Variants in ADARB2 observed in about 807,000 individuals in gnomAD.
ADARB2 encodes adenosine deaminase RNA specific B2 (inactive).
Under a neutral mutation model 62.2 loss-of-function variants are expected in ADARB2, and 25 were observed. The observed-to-expected ratio is 0.40, with a 90% CI of 0.29 to 0.56. ADARB2 has a LOEUF of 0.56. Among genes scored for constraint, ADARB2 ranks in the 20% least tolerant of loss-of-function variants. The probability of loss-of-function intolerance (pLI) is 0.43; values close to 1 mark genes in which losing one functional copy is unlikely to be tolerated. For missense variants in ADARB2, 1,071 were observed against 1,077.4 expected (o/e 0.99, Z 0.08); for synonymous variants, 572 against 500.8 (o/e 1.14, Z -1.90).
chr10:1,204,187 C>T (rs1441150372), intron 7 of ADARB2, among the ~76,000 whole-genome samples: 1 of 152,160 alleles, frequency 6.6e-6, no homozygotes. Context: ...AAGTCTGAGA[C>T]GTCTCTGCAT....
chr10:1,410,013 ATAGGGAAGGATTCTCAG>A, intron 1 of ADARB2, among the ~76,000 whole-genome samples: 2 of 37,408 alleles, frequency 5.3e-5, no homozygotes, highest in African/African-American at 6.8e-5. Flanking sequence ...GGCTGTGGTC[ATAGGGAAGGATTCTCAG>A]TGGTGCCGAG....
intron 1 of ADARB2, among the ~76,000 whole-genome samples, chr10:1,490,360 A>G (rs1831603585): frequency 6.6e-6 from 1 of 152,214 alleles, no homozygotes; most frequent in Admixed American, 6.5e-5. Flanking sequence ...AAAGCACTTA[A>G]CTGTTTACAA....
intron 1 of ADARB2, chr10:1,535,459 C>CG (rs1832319158): frequency 6.3e-6 from 1 of 157,890 alleles, no homozygotes; most frequent in African/African-American, 2.4e-5. Flanking sequence ...TAGATTTGCT[C>CG]GTGCACTTTA....
At chr10:1,360,251 C>G (rs1029399884) in intron 3 of ADARB2, among the ~76,000 whole-genome samples, 1 of 152,242 alleles carries the variant, frequency 6.6e-6, no homozygotes, top group Non-Finnish European at 1.5e-5. Flanking sequence ...GCCTTTCCCC[C>G]CAGCCCCAGA....
intron 1 of ADARB2, among the ~76,000 whole-genome samples, chr10:1,569,690 A>G (rs1240451306): frequency 1.3e-5 from 2 of 152,200 alleles, no homozygotes; most frequent in African/African-American, 4.8e-5. Context: ...TTAGGGTTTA[A>G]TTGGCCATAA....
At chr10:1,708,211 G>A (rs910293045) in intron 1 of ADARB2, among the ~76,000 whole-genome samples, 1 of 152,160 alleles carries the variant, frequency 6.6e-6, no homozygotes, top group African/African-American at 2.4e-5. Context: ...CCTGTTCAAA[G>A]TGGAAGATTA....
chr10:1,300,185 TC>T (rs1386513130), intron 3 of ADARB2, among the ~76,000 whole-genome samples: 1 of 152,258 alleles, frequency 6.6e-6, no homozygotes, highest in African/African-American at 2.4e-5. Flanking sequence ...AAGTAGTCTC[TC>T]TGCTTCTCAT....
intron 1 of ADARB2, among the ~76,000 whole-genome samples, chr10:1,668,441 G>T (rs1179789900): frequency 1.3e-5 from 2 of 152,308 alleles, no homozygotes; most frequent in African/African-American, 4.8e-5. Flanking sequence ...TTCAGAGACA[G>T]TTTGCCAATA....
chr10:1,245,687 A>G (rs1589164367), intron 4 of ADARB2, among the ~76,000 whole-genome samples: 1 of 152,172 alleles, frequency 6.6e-6, no homozygotes, highest in Non-Finnish European at 1.5e-5. Flanking sequence ...TTATGGCTGC[A>G]TAGTATTCCA....
intron 1 of ADARB2, among the ~76,000 whole-genome samples, chr10:1,561,106 A>G (rs1832780263): frequency 6.6e-6 from 1 of 152,250 alleles, no homozygotes; most frequent in Non-Finnish European, 1.5e-5. Flanking sequence ...AATAAATTTT[A>G]TCATCCCAGT....
intron 1 of ADARB2, among the ~76,000 whole-genome samples, chr10:1,692,015 C>T (rs544153836): frequency 6.6e-6 from 1 of 152,342 alleles, no homozygotes; most frequent in African/African-American, 2.4e-5. Context: ...TCGCTGCTGT[C>T]TCCTGATGCA....
chr10:1,263,433 A>G (rs190624048), intron 4 of ADARB2, among the ~76,000 whole-genome samples: 58 of 152,342 alleles, frequency 3.8e-4, no homozygotes, highest in Non-Finnish European at 7.1e-4. Context: ...TCCAGTAAAA[A>G]AAGACTCATA....
chr10:1,332,428 A>T (rs10903427), intron 3 of ADARB2, among the ~76,000 whole-genome samples: 62,453 of 146,154 alleles, frequency 0.43, 13,799 homozygotes, highest in African/African-American at 0.51. Context: ...AAAAAAAAAA[A>T]AAATAAATAA....
intron 3 of ADARB2, among the ~76,000 whole-genome samples, chr10:1,313,366 C>G (rs1452296204): frequency 6.6e-6 from 1 of 152,218 alleles, no homozygotes; most frequent in Non-Finnish European, 1.5e-5. Flanking sequence ...GCCAGGGGGT[C>G]CCCACAGTGG....
intron 1 of ADARB2, among the ~76,000 whole-genome samples, chr10:1,729,639 T>A (rs1835207794): frequency 6.6e-6 from 1 of 152,252 alleles, no homozygotes; most frequent in East Asian, 1.9e-4. Flanking sequence ...AAAACCTGCT[T>A]TTTGTTTAAT....
At position 1,217,070 on chromosome 10, in the gene ADARB2, G is replaced by T; in HGVS notation, c.1563C>A (p.Thr521=). 6.2e-7 allele frequency: 1 copy of T among 1,608,448 alleles called. No homozygotes were observed. The highest frequency in any genetic ancestry group is 8.5e-7 in the Non-Finnish European group (1 of 1,177,708). Residue 521 remains threonine (T), a synonymous_variant, in exon 7 of 10, where the codon ACC becomes ACA. Transcript: ENST00000381312. ...CCGTCCCTTCCCCGGACTCGATCTT[G>T]GTGCGCAGGTGCCCGCGGAACTTCC... is the stretch of plus-strand genomic sequence containing the variant. ...LVRKFRGHLR[T]KIESGEGTVP... is the part of the protein sequence containing the mutation.
chr10:1,567,111 G>A (rs1377559429), intron 1 of ADARB2, among the ~76,000 whole-genome samples: 1 of 152,136 alleles, frequency 6.6e-6, no homozygotes, highest in African/African-American at 2.4e-5. Flanking sequence ...AGGCCAGTGG[G>A]CACCCATGTG....
chr10:1,507,127 G>A (rs1831862486), intron 1 of ADARB2, among the ~76,000 whole-genome samples: 1 of 152,264 alleles, frequency 6.6e-6, no homozygotes, highest in South Asian at 2.1e-4. Context: ...GTCCTAGGGT[G>A]TTACTCACTG....
chr10:1,454,039 T>C (rs1045958669), intron 1 of ADARB2, among the ~76,000 whole-genome samples: 1 of 152,208 alleles, frequency 6.6e-6, no homozygotes, highest in Non-Finnish European at 1.5e-5. Flanking sequence ...GGGTAATTTA[T>C]AAAGGAAAGA....
Sources: allele counts gnomAD v4.1 joint callset (sites outside exome capture counted in the v4.1 genomes callset), GRCh38; gene constraint gnomAD v4.1.1; transcripts MANE v1.5; gene names NCBI Gene and HGNC (gene_info 2026-07-23, HGNC 2026-07-21).